CCNB3: variants seen among roughly 807,000 people sequenced by gnomAD.
CCNB3 encodes cyclin B3.
CCNB3 carries 12 observed loss-of-function variants against 68.0 expected under a neutral mutation model. The ratio of observed to expected loss-of-function variants is 0.18; its 90% CI spans 0.11 to 0.29. CCNB3 has a LOEUF of 0.29. Ranked by LOEUF, CCNB3 falls within the 10% of genes least tolerant of loss-of-function variation. The pLI, the probability that CCNB3 is intolerant of heterozygous loss-of-function variation, is 1.00. For missense variants in CCNB3, 904 were observed against 993.1 expected (o/e 0.91, Z 1.21); for synonymous variants, 354 against 388.9 (o/e 0.91, Z 1.06).
chrX:50,341,534 T>TAA (rs375900011), intron 8 of CCNB3, among the ~76,000 whole-genome samples: 4 of 86,185 alleles, frequency 4.6e-5, no homozygotes, highest in African/African-American at 1.7e-4. Context: ...AAATAGAGAC[T>TAA]AAAAAAAAAA....
At chrX:50,298,818 T>C (rs1488547417) in intron 5 of CCNB3, among the ~76,000 whole-genome samples, 4 of 111,854 alleles carry the variant, frequency 3.6e-5, no homozygotes, top group Non-Finnish European at 5.6e-5. Context: ...GAGTCTGTTA[T>C]TTGTCTATTC....
In CCNB3 at chrX:50,309,803, T is replaced by A. The variant is rs1232275918; in HGVS notation, c.1634T>A (p.Ile545Asn). 2 of 1,206,911 alleles carry A rather than the reference T, an allele frequency of 1.7e-6. No individual in the cohort carries two copies. The highest frequency in any genetic ancestry group is 3.5e-5 in the African/African-American group (2 of 57,370). ...KKCTTQEMMS[I>N]CPELLDFQDM... ...TGTACCACACAAGAGATGATGTCCA[T>A]CTGTCCAGAACTGTTGGACTTTCAG... The change falls in exon 6 of 13, where the codon ATC becomes AAC. Residue 545 changes from isoleucine (I) to asparagine (N), a missense_variant. Around this residue, in one of 2 missense-constraint regions of CCNB3, gnomAD observed 619 missense variants for 609.8 expected, o/e 1.02. Transcript: ENST00000376042.
intron 1 of CCNB3, among the ~76,000 whole-genome samples, chrX:50,228,388 C>T (rs1935966218): frequency 1.1e-5 from 1 of 89,051 alleles, no homozygotes; most frequent in Non-Finnish European, 2.1e-5. Context: ...GAGGATATAT[C>T]TACATAAATA....
intron 1 of CCNB3, among the ~76,000 whole-genome samples, chrX:50,279,599 A>G (rs1200770925): frequency 2.3e-5 from 2 of 88,047 alleles, no homozygotes; most frequent in East Asian, 6.6e-4. Context: ...TTCATATGTA[A>G]ATGTATATGC....
upstream of CCNB3, chrX:50,204,575 G>A (rs1228040450): frequency 2.9e-5 from 3 of 104,909 alleles, no homozygotes; most frequent in African/African-American, 7.0e-5. Context: ...TCTGGAGATA[G>A]AAGAGAAATT....
intron 5 of CCNB3, among the ~76,000 whole-genome samples, chrX:50,307,124 A>G (rs1455786607): frequency 8.9e-6 from 1 of 111,833 alleles, no homozygotes; most frequent in Non-Finnish European, 1.9e-5. Context: ...TTGATTTGAT[A>G]TCTTGTTATA....
intron 8 of CCNB3, among the ~76,000 whole-genome samples, chrX:50,318,364 T>C (rs1359638296): frequency 9.1e-6 from 1 of 110,177 alleles, no homozygotes; most frequent in Non-Finnish European, 1.9e-5. Flanking sequence ...AATACAAAAA[T>C]TAGCCGGGCA....
In CCNB3 at chrX:50,308,754, C is replaced by T; in HGVS notation, c.585C>T (p.Pro195=). 1.7e-6 allele frequency: 2 copies of T among 1,211,095 alleles called. No homozygotes were observed. The highest frequency in any genetic ancestry group is 5.9e-5 in the East Asian group (2 of 33,823). The part of the protein sequence containing the change: ...EEVSLLEKLQ[P]LQEESDSDDA... ...TGTCCTTACTGGAAAAGCTACAGCC[C>T]CTGCAGGAGGAGAGTGACAGTGATG... Residue 195 remains proline, a synonymous_variant, in exon 6 of 13, where the codon CCC becomes CCT. Coordinates refer to ENST00000376042, the MANE Select transcript of CCNB3 (RefSeq NM_033031.3).
At chrX:50,338,709 T>C (rs1171657602) in intron 8 of CCNB3, among the ~76,000 whole-genome samples, 1 of 112,393 alleles carries the variant, frequency 8.9e-6, no homozygotes. Context: ...TGAGGGGTGG[T>C]CTCCTCCCTT....
At chrX:50,217,514 T>C (rs1282906757) in intron 1 of CCNB3, among the ~76,000 whole-genome samples, 3 of 110,602 alleles carry the variant, frequency 2.7e-5, no homozygotes, top group Admixed American at 9.7e-5. Context: ...CCTCGTGATC[T>C]GCCCACCTTG....
chrX:50,212,102 A>T (rs1160367062), intron 1 of CCNB3, among the ~76,000 whole-genome samples: 1 of 111,999 alleles, frequency 8.9e-6, no homozygotes, highest in Non-Finnish European at 1.9e-5. Flanking sequence ...TCACCTAGTG[A>T]ATTTATAATT....
At chrX:50,213,583 TATTA>T (rs1327947462) in intron 1 of CCNB3, among the ~76,000 whole-genome samples, 2 of 111,829 alleles carry the variant, frequency 1.8e-5, no homozygotes, top group African/African-American at 6.5e-5. Flanking sequence ...GTAGAATTGG[TATTA>T]ATTGTTCTTT....
chrX:50,222,155 G>A (rs1935683790), intron 1 of CCNB3, among the ~76,000 whole-genome samples: 1 of 111,086 alleles, frequency 9.0e-6, no homozygotes, highest in African/African-American at 3.3e-5. Flanking sequence ...GAGCCTATGT[G>A]TGTCTCTGCA....
intron 8 of CCNB3, among the ~76,000 whole-genome samples, chrX:50,325,082 G>A (rs1557217127): frequency 9.1e-6 from 1 of 110,443 alleles, no homozygotes; most frequent in Non-Finnish European, 1.9e-5. Flanking sequence ...TCTCTATAGG[G>A]TACAATGATC....
intron 1 of CCNB3, among the ~76,000 whole-genome samples, chrX:50,223,124 G>T (rs1210497103): frequency 1.8e-5 from 2 of 110,676 alleles, no homozygotes; most frequent in African/African-American, 6.6e-5. Context: ...GGTCATTTAT[G>T]TTCTTCTCTA....
At chrX:50,315,465 G>A (rs1569543017) in intron 8 of CCNB3, among the ~76,000 whole-genome samples, 2 of 110,546 alleles carry the variant, frequency 1.8e-5, no homozygotes, top group African/African-American at 6.6e-5. Flanking sequence ...TGAAAAAAAG[G>A]ACAAAGAGAG....
At position 50,310,472 on chromosome X, in the gene CCNB3, T is replaced by C. The variant is rs1921366844; in HGVS notation, c.2303T>C (p.Leu768Ser). 1 of 1,208,829 alleles carries C rather than the reference T, an allele frequency of 8.3e-7. No homozygotes were observed. Among genetic ancestry groups the C allele is most frequent in the African/African-American group, 1.7e-5 (1 of 57,447 alleles). Residue 768 changes from leucine to serine, a missense_variant, in exon 6 of 13, where the codon TTG becomes TCG. Physicochemically the swap from Leu to Ser is moderately radical, Grantham distance 145. Transcript: ENST00000376042. ...KVFFLKKQLA[L>S]NETINEEEFL... ...TTCTTCCTGAAGAAGCAGTTGGCTT[T>C]GAATGAGACCATCAATGAAGAGGAG...
At chrX:50,323,184 G>A (rs1389681470) in intron 8 of CCNB3, among the ~76,000 whole-genome samples, 10 of 111,318 alleles carry the variant, frequency 9.0e-5, no homozygotes, top group Non-Finnish European at 1.1e-4. Context: ...GTCCAACAAT[G>A]ATAGACTGGA....
intron 8 of CCNB3, among the ~76,000 whole-genome samples, chrX:50,315,555 A>T (rs1557215661): frequency 9.0e-6 from 1 of 111,714 alleles, no homozygotes; most frequent in Non-Finnish European, 1.9e-5. Context: ...CAGGAAATGG[A>T]CTTTGTTATA....
Sources: gnomAD v4.1 joint callset for allele counts (sites outside exome capture counted in the v4.1 genomes callset) on GRCh38, gnomAD v4.1.1 for gene constraint, gnomAD v4.1.1 regional missense constraint, MANE v1.5 for transcripts, NCBI Gene and HGNC (gene_info 2026-07-23, HGNC 2026-07-21) for gene names.